Variants in RBFOX1 observed in about 807,000 individuals in gnomAD.
The protein encoded by RBFOX1 is RNA binding fox-1 homolog 1.
Under a neutral mutation model 57.7 loss-of-function variants are expected in RBFOX1, and 8 were observed. The observed-to-expected ratio is 0.14, with a 90% CI of 0.08 to 0.25. The LOEUF (loss-of-function observed/expected upper bound fraction) is 0.25. Among genes scored for constraint, RBFOX1 ranks in the 10% least tolerant of loss-of-function variants. The probability of loss-of-function intolerance (pLI) is 1.00; values close to 1 mark genes in which losing one functional copy is unlikely to be tolerated. For synonymous variants in RBFOX1, 326 were observed against 222.4 expected (o/e 1.47, Z -4.15); for missense variants, 611 against 548.5 (o/e 1.11, Z -1.14).
At chr16:6,893,040 C>G (rs138037435) in intron 3 of RBFOX1, among the ~76,000 whole-genome samples, 2 of 152,112 alleles carry the variant, frequency 1.3e-5, no homozygotes, top group Admixed American at 6.6e-5. Flanking sequence ...TTGCACCAAC[C>G]GAATACATGA....
intron 2 of RBFOX1, among the ~76,000 whole-genome samples, chr16:6,500,762 C>T (rs750919693): frequency 3.3e-5 from 5 of 152,108 alleles, no homozygotes; most frequent in African/African-American, 1.2e-4. Context: ...TTGTTATTCT[C>T]CTCACAAAGA....
intron 4 of RBFOX1, among the ~76,000 whole-genome samples, chr16:7,146,145 C>T (rs2074929715): frequency 6.6e-6 from 1 of 152,184 alleles, no homozygotes; most frequent in South Asian, 2.1e-4. Context: ...TGAGCAATGG[C>T]ACAGTGTCGT....
At chr16:6,303,496 A>T (rs914524645) in intron 1 of RBFOX1, among the ~76,000 whole-genome samples, 1 of 152,178 alleles carries the variant, frequency 6.6e-6, no homozygotes, top group Non-Finnish European at 1.5e-5. Flanking sequence ...TCAGTGGTGT[A>T]AATAAAGCAG....
In RBFOX1 at chr16:5,771,450, C is replaced by G. The variant is rs187786322; in HGVS notation, c.319-95853C>G. 9.2e-4 allele frequency among the ~76,000 whole-genome samples: 140 copies of G among 152,302 alleles called. 1 individual carries two copies. Among genetic ancestry groups the G allele is most frequent in the African/African-American group, 3.2e-3 (135 of 41,560 alleles). On this transcript the variant is annotated intron_variant, in intron 3 of 19. Coordinates refer to the RBFOX1 transcript ENST00000641259. Reference sequence around the variant, plus strand: ...TTGAGGTGGAGTCTCCCTCCGTAGTCCAGGCTGGAGTGCAGTAGAATGATC... The same window carrying G: ...TTGAGGTGGAGTCTCCCTCCGTAGTGCAGGCTGGAGTGCAGTAGAATGATC...
intron 2 of RBFOX1, among the ~76,000 whole-genome samples, chr16:6,457,676 C>G (rs143777238): frequency 6.6e-6 from 1 of 152,120 alleles, no homozygotes; most frequent in Admixed American, 6.6e-5. Flanking sequence ...ATTATTGCCT[C>G]TTTGAGGCAC....
At chr16:7,246,807 G>A (rs1218145968) in intron 4 of RBFOX1, among the ~76,000 whole-genome samples, 1 of 151,966 alleles carries the variant, frequency 6.6e-6, no homozygotes, top group Non-Finnish European at 1.5e-5. Context: ...TTCAACGACT[G>A]GCTGACTGAC....
At chr16:5,669,445 A>T (rs1248813102) in intron 3 of RBFOX1, among the ~76,000 whole-genome samples, 1 of 116,478 alleles carries the variant, frequency 8.6e-6, no homozygotes, top group African/African-American at 3.4e-5. Flanking sequence ...TTTTTTGGAG[A>T]CAGAGTCTCG....
At chr16:6,638,797 G>A (rs185602723) in intron 2 of RBFOX1, among the ~76,000 whole-genome samples, 18 of 152,224 alleles carry the variant, frequency 1.2e-4, no homozygotes, top group African/African-American at 3.1e-4. Context: ...CAGGTGTTTG[G>A]GTGATGGCCA....
At position 6,896,292 on chromosome 16, in the gene RBFOX1, G is replaced by A. The variant is rs377325282; in HGVS notation, c.-15-155765G>A. On this transcript the variant is annotated intron_variant, in intron 3 of 15. Transcript: ENST00000550418. ...AAACATAAAACAGTTTATCCTTTTT[G>A]GTACTAACAATCCAAGTACACTCTT... Among the ~76,000 whole-genome samples the A allele has an allele frequency of 6.6e-5, 10 of 152,002 alleles. 2 individuals are homozygous for A. Among genetic ancestry groups the A allele is most frequent in the East Asian group, 1.9e-4 (1 of 5,166 alleles).
chr16:5,823,338 T>G (rs1320176558), intron 3 of RBFOX1, among the ~76,000 whole-genome samples: 2 of 152,132 alleles, frequency 1.3e-5, no homozygotes, highest in Non-Finnish European at 2.9e-5. Flanking sequence ...GGCAAGTACA[T>G]AAAGGAAGGG....
At chr16:5,299,985 T>A (rs1345738505) in intron 1 of RBFOX1, among the ~76,000 whole-genome samples, 2 of 152,072 alleles carry the variant, frequency 1.3e-5, no homozygotes, top group African/African-American at 4.8e-5. Flanking sequence ...TTCCTGAGGG[T>A]TTTTTATAAA....
intron 4 of RBFOX1, among the ~76,000 whole-genome samples, chr16:7,169,633 CA>C (rs1444023461): frequency 6.6e-6 from 1 of 152,198 alleles, no homozygotes; most frequent in Non-Finnish European, 1.5e-5. Context: ...AGTGAAGAAA[CA>C]GAAATTCAGA....
chr16:6,375,596 T>G (rs2091067405), intron 2 of RBFOX1, among the ~76,000 whole-genome samples: 1 of 152,078 alleles, frequency 6.6e-6, no homozygotes, highest in Admixed American at 6.5e-5. Context: ...CTGCCCCTTC[T>G]GTAATGTGTG....
intron 4 of RBFOX1, among the ~76,000 whole-genome samples, chr16:7,327,774 C>G (rs1056199614): frequency 3.3e-5 from 5 of 151,684 alleles, no homozygotes; most frequent in African/African-American, 4.9e-5. Context: ...TAGCATAAAT[C>G]TAGATTTTAT....
At chr16:7,080,561 C>T (rs541361981) in intron 4 of RBFOX1, among the ~76,000 whole-genome samples, 1 of 152,248 alleles carries the variant, frequency 6.6e-6, no homozygotes, top group South Asian at 2.1e-4. Flanking sequence ...GCTCTCTGAC[C>T]TGTTCAGAGA....
intron 2 of RBFOX1, chr16:6,483,571 A>T: frequency 6.5e-7 from 1 of 1,528,222 alleles, no homozygotes; most frequent in Non-Finnish European, 8.8e-7. Context: ...AGACTCTAAA[A>T]CACTGTCAGG....
At chr16:7,365,472 A>G (rs538108193) in intron 4 of RBFOX1, among the ~76,000 whole-genome samples, 66 of 152,328 alleles carry the variant, frequency 4.3e-4, no homozygotes, top group Middle Eastern at 3.4e-3. Context: ...GTGATTCTCA[A>G]GAAGGAGTGA....
chr16:7,291,936 T>C (rs1047286153), intron 4 of RBFOX1, among the ~76,000 whole-genome samples: 1 of 101,286 alleles, frequency 9.9e-6, no homozygotes, highest in African/African-American at 3.6e-5. Flanking sequence ...GTATTTTATA[T>C]ATTATATATT....
chr16:6,018,092 T>A (rs2095008404), upstream of RBFOX1, among the ~76,000 whole-genome samples: 1 of 151,422 alleles, frequency 6.6e-6, no homozygotes, highest in African/African-American at 2.4e-5. Context: ...AAATTACAAC[T>A]CACTGAACCT....
Sources: allele counts gnomAD v4.1 joint callset (sites outside exome capture counted in the v4.1 genomes callset), GRCh38; gene constraint gnomAD v4.1.1; transcripts MANE v1.5; gene names NCBI Gene and HGNC (gene_info 2026-07-23, HGNC 2026-07-21).